The following NCAPH2 variants were observed in gnomAD, a reference collection of about 807,000 sequenced individuals.
The protein encoded by NCAPH2 is condensin-2 complex subunit H2.
In NCAPH2, 56 loss-of-function variants were observed where a neutral mutation model predicts 88.6. The ratio of observed to expected loss-of-function variants is 0.63; its 90% CI spans 0.51 to 0.79. The LOEUF (loss-of-function observed/expected upper bound fraction) is 0.79. Ranked by LOEUF, NCAPH2 falls within the 30% of genes least tolerant of loss-of-function variation. NCAPH2 has a pLI of 0.00. For synonymous variants in NCAPH2, 378 were observed against 313.6 expected, an observed-to-expected ratio of 1.21 and a Z score of -2.17; for missense variants, 794 against 792.0, an observed-to-expected ratio of 1.00 and a Z score of -0.03.
Position 50,512,721 on chromosome 22 carries a change from T to C in NCAPH2, c.109-3726T>C, listed in dbSNP as rs150125721. On this transcript the variant is annotated intron_variant, in intron 1 of 19. Coordinates refer to ENST00000420993, the MANE Select transcript of NCAPH2 (RefSeq NM_152299.4). Reference sequence around the variant, plus strand: ...CACCGCACCTGGCTAATTTTTTGTATTTTTGGTAGAGATGGGGTGTCACTG... The same window carrying C: ...CACCGCACCTGGCTAATTTTTTGTACTTTTGGTAGAGATGGGGTGTCACTG... Among the ~76,000 whole-genome samples, 131 of 152,168 alleles carry C rather than the reference T, an allele frequency of 8.6e-4. 2 individuals are homozygous for C. The East Asian group carries it at 0.024, about 27-fold the overall frequency.
At position 50,517,420 on chromosome 22, in the gene NCAPH2, T is replaced by G. The variant is rs768040574; in HGVS notation, c.211-7T>G. The G allele has an allele frequency of 6.2e-6, 10 of 1,613,880 alleles. No homozygotes were observed. The highest frequency in any genetic ancestry group is 8.5e-6 in the Non-Finnish European group (10 of 1,180,004). On this transcript the variant is annotated splice_region_variant and splice_polypyrimidine_tract_variant and intron_variant, in intron 2 of 19. Transcript: ENST00000420993. ...CTGGGTCCTCACTGCCTGCATCTGG[T>G]CACCAGGTGGAATACCTCTACTCAC... is the stretch of plus-strand genomic sequence containing the variant.
chr22:50,521,835 G>T lies in NCAPH2; in HGVS notation c.1095G>T (p.Trp365Cys), dbSNP rs1260906134. 1 of 1,613,924 alleles carries T rather than the reference G, an allele frequency of 6.2e-7. No individual in the cohort carries two copies. The highest frequency in any genetic ancestry group is 8.5e-7 in the Non-Finnish European group (1 of 1,180,038). The change falls in exon 12 of 20, where the codon TGG becomes TGT. Residue 365 changes from tryptophan to cysteine, a missense_variant. By Grantham distance (215) the Trp-to-Cys change is radical. Around this residue, in one of 2 missense-constraint regions of NCAPH2, gnomAD observed 735 missense variants for 696.3 expected, o/e 1.06. Transcript: ENST00000420993. Reference protein sequence around the residue: ...GAAKLQDFHQWYLAAYADHAD... With the variant: ...GAAKLQDFHQCYLAAYADHAD... ...CCAAGCTGCAGGACTTCCACCAGTGGTACCTGGCTGCCTGTGAGTGGGTGT... is the reference window on the plus strand; with the variant it reads ...CCAAGCTGCAGGACTTCCACCAGTGTTACCTGGCTGCCTGTGAGTGGGTGT...
chr22:50,517,802 C>A lies in NCAPH2; in HGVS notation c.413C>A (p.Thr138Lys), dbSNP rs138318301. 4.3e-6 allele frequency: 7 copies of A among 1,613,766 alleles called. No homozygotes were observed. Among genetic ancestry groups the A allele is most frequent in the Middle Eastern group, 1.6e-4 (1 of 6,084 alleles). Reference sequence around the variant, plus strand: ...AACGTGGATCTCAAGAATGATCAGACGCCCAGTGTGAGTCCTGGCCTGGCC... The same window carrying A: ...AACGTGGATCTCAAGAATGATCAGAAGCCCAGTGTGAGTCCTGGCCTGGCC... ...RTNVDLKNDQ[T>K]PSEVLIIPLL... is the part of the protein sequence containing the mutation. Residue 138 changes from threonine to lysine, a missense_variant, in exon 5 of 20, where the codon ACG becomes AAG. Physicochemically the swap from Thr to Lys is moderately conservative, Grantham distance 78. Coordinates refer to ENST00000420993, the MANE Select transcript of NCAPH2 (RefSeq NM_152299.4).
chr22:50,521,506 C>A (rs201381452), intron 10 of NCAPH2, 37 bp from the exon 11 acceptor site: 2 of 1,610,284 alleles, frequency 1.2e-6, no homozygotes, highest in Non-Finnish European at 1.7e-6. Context: ...CTGTGCACCC[C>A]CTACTTCTCC....
intron 1 of NCAPH2, 34 bp downstream of exon 1, chr22:50,508,479 C>CCG: frequency 6.8e-6 from 1 of 147,192 alleles, no homozygotes; most frequent in Non-Finnish European, 1.3e-5. Flanking sequence ...CGGGGTGGGC[C>CCG]GGCGGGTGGG....
intron 1 of NCAPH2, among the ~76,000 whole-genome samples, chr22:50,509,780 C>G (rs1188762051): frequency 6.6e-6 from 1 of 152,172 alleles, no homozygotes; most frequent in Non-Finnish European, 1.5e-5. Flanking sequence ...TTCTCTGAAC[C>G]TGGCTCTGCT....
chr22:50,523,487 A>G lies in NCAPH2; in HGVS notation c.*112A>G, dbSNP rs1569521393. The G allele has an allele frequency of 1.3e-6, 2 of 1,533,228 alleles. No homozygotes were observed. Among genetic ancestry groups the G allele is most frequent in the Non-Finnish European group, 1.8e-6 (2 of 1,135,896 alleles). 95.0% of individuals were successfully genotyped at this position (1,533,228 alleles called of 1,614,324 possible). On this transcript the variant is annotated 3_prime_UTR_variant, in exon 20 of 20. Coordinates refer to ENST00000420993, the MANE Select transcript of NCAPH2 (RefSeq NM_152299.4). ...TTGCCATCTCATCTTCCCCCTAAAAACCCTTTTATGTACACCTGCGCAGAG... is the reference window on the plus strand; with the variant it reads ...TTGCCATCTCATCTTCCCCCTAAAAGCCCTTTTATGTACACCTGCGCAGAG...
Position 50,524,201 on chromosome 22 carries a change from G to A in NCAPH2, c.*826G>A, listed in dbSNP as rs774923477. 12 of 1,608,566 alleles carry A rather than the reference G, an allele frequency of 7.5e-6. No individual in the cohort carries two copies. The East Asian group carries it at 1.1e-4, about 15-fold the overall frequency. On this transcript the variant is annotated 3_prime_UTR_variant, in exon 20 of 20. Transcript: ENST00000420993. Reference sequence around the variant, plus strand: ...CTCAGGGCCAGCCAGGCCCCACCGAGTCCAGCCCCGAACAGGCCTGTGATC... The same window carrying A: ...CTCAGGGCCAGCCAGGCCCCACCGAATCCAGCCCCGAACAGGCCTGTGATC...
At chr22:50,511,647 A>T (rs1603440405) in intron 1 of NCAPH2, among the ~76,000 whole-genome samples, 1 of 127,658 alleles carries the variant, frequency 7.8e-6, no homozygotes, top group South Asian at 2.3e-4. Flanking sequence ...CGCCTGGCTA[A>T]TTTTTTTTTT....
rs529402637 is a variant in NCAPH2, at chr22:50,508,466, A to C, written c.108+21A>C. ...AGGAGGTAAGGGCGGCGGGGGAGTG[A>C]CGCGGGGTGGGCCGGCGGGTGGGGC... On this transcript the variant is annotated intron_variant, in intron 1 of 19. Transcript: ENST00000420993. 3.2e-3 allele frequency: 1,012 copies of C among 319,942 alleles called. 8 individuals are homozygous for C. Among genetic ancestry groups the C allele is most frequent in the African/African-American group, 0.023 (849 of 37,496 alleles). The allele number at this position is 319,942 out of a possible 1,614,324, so 19.8% of individuals were successfully genotyped here.
rs938390788 is a variant in NCAPH2 at position 50,524,628 on chromosome 22, C to G, written c.*1253C>G. 1 of 709,384 alleles carries G rather than the reference C, an allele frequency of 1.4e-6. No individual in the cohort carries two copies. The highest frequency in any genetic ancestry group is 1.5e-5 in the South Asian group (1 of 66,694). The allele number at this position is 709,384 out of a possible 1,614,324, so 43.9% of individuals were successfully genotyped here. Reference sequence around the variant, plus strand: ...GGGCAACCACACCTGTCACTCCTGTCCTCTACCTGGGATCACCAGCCTGTC... The same window carrying G: ...GGGCAACCACACCTGTCACTCCTGTGCTCTACCTGGGATCACCAGCCTGTC... On this transcript the variant is annotated 3_prime_UTR_variant, in exon 20 of 20. Transcript: ENST00000420993.
At position 50,522,675 on chromosome 22, in the gene NCAPH2, A is replaced by C; in HGVS notation, c.1380A>C (p.Ala460=). ...CTCACAGCTACCCCTTCCCAGACGCAGTGCCGATGTCCCTGAGCTACGAGG... is the reference window on the plus strand; with the variant it reads ...CTCACAGCTACCCCTTCCCAGACGCCGTGCCGATGTCCCTGAGCTACGAGG... ...ADPREAADLD[A]VPMSLSYEEL... is the part of the protein sequence containing the mutation. The change falls in exon 17 of 20, where the codon GCA becomes GCC. Residue 460 remains alanine (A), a synonymous_variant. Transcript: ENST00000420993. 2 of 1,613,564 alleles carry C rather than the reference A, an allele frequency of 1.2e-6. No homozygotes were observed.
Position 50,519,237 on chromosome 22 carries a change from G to T in NCAPH2, c.778G>T (p.Asp260Tyr). 1.2e-6 allele frequency: 2 copies of T among 1,610,408 alleles called. No individual in the cohort carries two copies. Among genetic ancestry groups the T allele is most frequent in the Non-Finnish European group, 8.5e-7 (1 of 1,178,894 alleles). ...PMPLGGGEDEDAEEAVELPEA... is the reference protein window; with the variant it reads ...PMPLGGGEDEYAEEAVELPEA... ...GCCCCTGGGTGGGGGCGAGGACGAG[G>T]ATGCAGAGGAGGCAGTAGAGCTTCC... Residue 260 changes from aspartate to tyrosine, a missense_variant, in exon 9 of 20, where the codon GAT (aspartate) becomes TAT (tyrosine). By Grantham distance (160) the Asp-to-Tyr change is radical. Transcript: ENST00000420993.
Position 50,521,735 on chromosome 22 carries a change from C to T in NCAPH2, c.1001-6C>T. 6.2e-7 allele frequency: 1 copy of T among 1,613,830 alleles called. No individual in the cohort carries two copies. The highest frequency in any genetic ancestry group is 8.5e-7 in the Non-Finnish European group (1 of 1,179,932). On this transcript the variant is annotated splice_polypyrimidine_tract_variant and splice_region_variant and intron_variant, in intron 11 of 19. Transcript: ENST00000420993. ...CGGCTCTAAGACAGTCCCTGTTTGC[C>T]CCCAGGTAGGCCTTACTCTGTGCCC...
chr22:50,522,429 A>G lies in NCAPH2; in HGVS notation c.1306+14A>G. On this transcript the variant is annotated intron_variant, in intron 15 of 19. Coordinates refer to ENST00000420993, the MANE Select transcript of NCAPH2 (RefSeq NM_152299.4). ...TGGGGGCAGCAGGTGGGTGCCTGCC[A>G]GGGGGTGGGGTGGGGCTTGGCACCT... 1 of 1,611,018 alleles carries G rather than the reference A, an allele frequency of 6.2e-7. No homozygotes were observed. Among genetic ancestry groups the G allele is most frequent in the East Asian group, 2.2e-5 (1 of 44,810 alleles).
chr22:50,517,592 C>G lies in NCAPH2; in HGVS notation c.282C>G (p.Leu94=). The G allele has an allele frequency of 1.2e-6, 2 of 1,614,120 alleles. No homozygotes were observed. Among genetic ancestry groups the G allele is most frequent in the African/African-American group, 1.3e-5 (1 of 75,068 alleles). ...TCTCTCTCAGGCGGGCCAAGCAGCT[C>G]TCTTCGGTGCAGGAGGACAGGGCCA... The part of the protein sequence containing the change: ...FISGKRRAKQ[L]SSVQEDRANG... The change falls in exon 4 of 20, where the codon CTC becomes CTG. Residue 94 remains leucine, a synonymous_variant. Coordinates refer to ENST00000420993, the MANE Select transcript of NCAPH2 (RefSeq NM_152299.4).
At chr22:50,509,424 G>T (rs577335475) in intron 1 of NCAPH2, among the ~76,000 whole-genome samples, 37 of 152,274 alleles carry the variant, frequency 2.4e-4, no homozygotes, top group African/African-American at 8.4e-4. Flanking sequence ...CTCGGAAAAT[G>T]ACACCGCTGT....
In NCAPH2 at chr22:50,524,157, C is replaced by T. The variant is rs1382926090; in HGVS notation, c.*782C>T. 2.5e-6 allele frequency: 4 copies of T among 1,611,284 alleles called. No homozygotes were observed. The highest frequency in any genetic ancestry group is 3.4e-6 in the Non-Finnish European group (4 of 1,180,020). On this transcript the variant is annotated 3_prime_UTR_variant, in exon 20 of 20. Transcript: ENST00000420993. ...GGGCTTCTGTTCGCTTTTGCTGCTG[C>T]AGCCTCTCCTTCTCAGCCCTCAGGG...
chr22:50,517,780 G>C lies in NCAPH2; in HGVS notation c.391G>C (p.Val131Leu). 6.2e-7 allele frequency: 1 copy of C among 1,613,942 alleles called. No homozygotes were observed. The highest frequency in any genetic ancestry group is 8.5e-7 in the Non-Finnish European group (1 of 1,180,024). Reference sequence around the variant, plus strand: ...TGACTTCCCTGACTCCCGGACTAACGTGGATCTCAAGAATGATCAGACGCC... The same window carrying C: ...TGACTTCCCTGACTCCCGGACTAACCTGGATCTCAAGAATGATCAGACGCC... ...LDDFPDSRTN[V>L]DLKNDQTPSE... Residue 131 changes from valine to leucine, a missense_variant, in exon 5 of 20, where the codon GTG (valine) becomes CTG (leucine). Val to Leu is a conservative substitution (Grantham distance 32). Around this residue, in one of 2 missense-constraint regions of NCAPH2, gnomAD observed 735 missense variants for 696.3 expected, o/e 1.06. Transcript: ENST00000420993.
Sources: allele counts gnomAD v4.1 joint callset (sites outside exome capture counted in the v4.1 genomes callset), GRCh38; gene constraint gnomAD v4.1.1; regional missense constraint gnomAD v4.1.1; transcripts MANE v1.5; gene names NCBI Gene and HGNC (gene_info 2026-07-23, HGNC 2026-07-21).